The following EIF3H variants were observed in gnomAD, a reference collection of about 807,000 sequenced individuals.
EIF3H encodes eIF-3-gamma.
In EIF3H, 26 loss-of-function variants were observed where a neutral mutation model predicts 44.2. That is an observed-to-expected ratio of 0.59 (90% CI 0.43 to 0.82). The LOEUF (loss-of-function observed/expected upper bound fraction) is 0.82. EIF3H is among the 40% of genes least tolerant of loss of function. EIF3H has a pLI of 0.00. For synonymous variants in EIF3H, 166 were observed against 151.9 expected (o/e 1.09, Z -0.68); for missense variants, 359 against 432.8 (o/e 0.83, Z 1.51).
chr8:116,681,341 AATACAGCAAGACTCTGTCT>A (rs1486629275), intron 2 of EIF3H, among the ~76,000 whole-genome samples: 1 of 152,000 alleles, frequency 6.6e-6, no homozygotes, highest in African/African-American at 2.4e-5. Flanking sequence ...CAGCCTGCGT[AATACAGCAAGACTCTGTCT>A]AAAAGAAAAG....
intron 2 of EIF3H, among the ~76,000 whole-genome samples, chr8:116,710,944 T>C (rs1383537837): frequency 6.6e-6 from 1 of 152,262 alleles, no homozygotes; most frequent in African/African-American, 2.4e-5. Context: ...GAACTCAATG[T>C]AGATTTCCTG....
At chr8:116,694,376 C>G (rs1258552562) in intron 2 of EIF3H, among the ~76,000 whole-genome samples, 1 of 152,190 alleles carries the variant, frequency 6.6e-6, no homozygotes, top group South Asian at 2.1e-4. Flanking sequence ...TCATTTTACA[C>G]ATGTAAGTGC....
intron 2 of EIF3H, among the ~76,000 whole-genome samples, chr8:116,673,809 T>A (rs77339045): frequency 0.12 from 17,528 of 152,032 alleles, 1,314 homozygotes; most frequent in East Asian, 0.42. Context: ...TGGTGACGCA[T>A]GCCTGTAATC....
At chr8:116,665,458 A>AC (rs1357873726) in intron 2 of EIF3H, among the ~76,000 whole-genome samples, 9 of 152,230 alleles carry the variant, frequency 5.9e-5, no homozygotes, top group Non-Finnish European at 1.3e-4. Flanking sequence ...TATAGATGGA[A>AC]CAGAGATCAG....
intron 2 of EIF3H, among the ~76,000 whole-genome samples, chr8:116,719,076 C>T (rs563446733): frequency 5.0e-4 from 76 of 152,192 alleles, no homozygotes; most frequent in African/African-American, 1.4e-3. Flanking sequence ...GTGAATAGTA[C>T]ATTCGAGGCC....
At chr8:116,722,981 T>G (rs1425201977) in intron 2 of EIF3H, among the ~76,000 whole-genome samples, 1 of 152,222 alleles carries the variant, frequency 6.6e-6, no homozygotes, top group African/African-American at 2.4e-5. Flanking sequence ...ATTCAAGTAC[T>G]TCAAGCTCGT....
intron 1 of EIF3H, among the ~76,000 whole-genome samples, chr8:116,752,646 T>G (rs904431094): frequency 7.3e-6 from 1 of 137,516 alleles, no homozygotes; most frequent in Non-Finnish European, 1.5e-5. Flanking sequence ...AGAGTAACAC[T>G]GTTCATCAAG....
intron 2 of EIF3H, among the ~76,000 whole-genome samples, chr8:116,703,360 T>A (rs1191041592): frequency 1.9e-5 from 2 of 105,500 alleles, no homozygotes; most frequent in Non-Finnish European, 3.6e-5. Flanking sequence ...GGAAAGGGAG[T>A]CTCCCTTTCC....
intron 2 of EIF3H, among the ~76,000 whole-genome samples, chr8:116,673,664 T>A (rs980994168): frequency 6.6e-6 from 1 of 152,152 alleles, no homozygotes; most frequent in Non-Finnish European, 1.5e-5. Context: ...AAAAATGTAA[T>A]CTCGTCTCTA....
chr8:116,750,041 T>G lies in EIF3H; in HGVS notation c.132+5625A>C, dbSNP rs578017686. On this transcript the variant is annotated intron_variant, in intron 1 of 7. Transcript: ENST00000521861. Reference sequence around the variant, plus strand: ...ATCTCTGGGTTCATCTACATCTATATATGACTGAGAATGGTCATGAGAGTC... The same window carrying G: ...ATCTCTGGGTTCATCTACATCTATAGATGACTGAGAATGGTCATGAGAGTC... 2.6e-5 allele frequency among the ~76,000 whole-genome samples: 4 copies of G among 152,414 alleles called. No homozygotes were observed. In the South Asian group the frequency reaches 6.2e-4, roughly 24 times the overall value.
chr8:116,747,219 T>C (rs756831394), intron 1 of EIF3H, among the ~76,000 whole-genome samples: 34 of 152,150 alleles, frequency 2.2e-4, no homozygotes, highest in Non-Finnish European at 4.4e-4. Context: ...TCCGCCATCA[T>C]GCCCGGCTAA....
At chr8:116,710,152 C>T (rs530257752) in intron 2 of EIF3H, among the ~76,000 whole-genome samples, 1 of 152,294 alleles carries the variant, frequency 6.6e-6, no homozygotes, top group Non-Finnish European at 1.5e-5. Context: ...CTTAACCATA[C>T]TGTGTACTCA....
At chr8:116,699,134 CAAAAA>C (rs11358166) in intron 2 of EIF3H, among the ~76,000 whole-genome samples, 2 of 142,038 alleles carry the variant, frequency 1.4e-5, no homozygotes, top group African/African-American at 2.6e-5. Context: ...GAACCTGTCT[CAAAAA>C]AAAAAAAAAA....
At chr8:116,663,128 C>T (rs1321964990) in intron 2 of EIF3H, among the ~76,000 whole-genome samples, 1 of 152,142 alleles carries the variant, frequency 6.6e-6, no homozygotes, top group Non-Finnish European at 1.5e-5. Flanking sequence ...CATATGCAAC[C>T]AGTCCTCACT....
chr8:116,704,365 C>G (rs1289033650), intron 2 of EIF3H, among the ~76,000 whole-genome samples: 1 of 152,206 alleles, frequency 6.6e-6, no homozygotes, highest in Non-Finnish European at 1.5e-5. Context: ...TTAGCAATTA[C>G]AACTGTGACT....
At chr8:116,739,365 T>C (rs1055652045) in intron 1 of EIF3H, among the ~76,000 whole-genome samples, 3 of 152,232 alleles carry the variant, frequency 2.0e-5, no homozygotes, top group Non-Finnish European at 2.9e-5. Flanking sequence ...AATAAATATG[T>C]GGCGGCCGGG....
intron 1 of EIF3H, among the ~76,000 whole-genome samples, chr8:116,748,500 C>A (rs184152392): frequency 6.6e-6 from 1 of 152,356 alleles, no homozygotes; most frequent in African/African-American, 2.4e-5. Flanking sequence ...TTCTCACCAA[C>A]ACTCAAGCAT....
At position 116,726,646 on chromosome 8, in the gene EIF3H, T is replaced by C. The variant is rs1814845941; in HGVS notation, c.133-474A>G. 2.0e-5 allele frequency among the ~76,000 whole-genome samples: 3 copies of C among 152,158 alleles called. No homozygotes were observed. In the South Asian group the frequency reaches 6.2e-4, roughly 32 times the overall value. ...TCATTTTGCCTTTCTCAACAGATCA[T>C]CTCCATAGTCAGAGGATGCAACAAC... On this transcript the variant is annotated intron_variant, in intron 1 of 7. Transcript: ENST00000521861.
chr8:116,760,787 T>C (rs1027370672), upstream of EIF3H, among the ~76,000 whole-genome samples: 1 of 152,162 alleles, frequency 6.6e-6, no homozygotes, highest in Non-Finnish European at 1.5e-5. Flanking sequence ...CTGCCCTGAG[T>C]CCTCCTGCTG....
Sources: gnomAD v4.1 joint callset for allele counts (sites outside exome capture counted in the v4.1 genomes callset) on GRCh38, gnomAD v4.1.1 for gene constraint, MANE v1.5 for transcripts, NCBI Gene and HGNC (gene_info 2026-07-23, HGNC 2026-07-21) for gene names.